The following CLASP1 variants were observed in gnomAD, a reference collection of about 807,000 sequenced individuals.
CLASP1 encodes the protein CLIP-associating protein 1.
CLASP1 carries 38 observed loss-of-function variants against 192.3 expected under a neutral mutation model. That is an observed-to-expected ratio of 0.20 (90% CI 0.15 to 0.26). The LOEUF (loss-of-function observed/expected upper bound fraction) is 0.26, where lower values mean the gene tolerates loss of function less well. Ranked by LOEUF, CLASP1 falls within the 10% of genes least tolerant of loss-of-function variation. The probability of loss-of-function intolerance (pLI) is 1.00; values close to 1 mark genes in which losing one functional copy is unlikely to be tolerated. For synonymous variants in CLASP1, 691 were observed against 712.8 expected, an observed-to-expected ratio of 0.97 and a Z score of 0.49; for missense variants, 1,433 against 1,932.5, an observed-to-expected ratio of 0.74 and a Z score of 4.85.
At chr2:121,555,988 C>CTTT (rs34423741) in intron 2 of CLASP1, among the ~76,000 whole-genome samples, 637 of 42,406 alleles carry the variant, frequency 0.015, 153 homozygotes, top group African/African-American at 0.054. Context: ...CTACCCACCG[C>CTTT]TTTTTTTTTT....
At chr2:121,537,530 G>A (rs1361992609) in intron 2 of CLASP1, among the ~76,000 whole-genome samples, 1 of 152,050 alleles carries the variant, frequency 6.6e-6, no homozygotes, top group Non-Finnish European at 1.5e-5. Context: ...TAAGGAAAAA[G>A]AAACCCAAAC....
At chr2:121,376,072 C>T (rs1261290012) in intron 34 of CLASP1, among the ~76,000 whole-genome samples, 3 of 151,890 alleles carry the variant, frequency 2.0e-5, no homozygotes, top group Non-Finnish European at 4.4e-5. Context: ...TTTTATATAC[C>T]ATTGGTGAGA....
At chr2:121,431,168 T>C (rs1194382390) in intron 19 of CLASP1, among the ~76,000 whole-genome samples, 1 of 151,928 alleles carries the variant, frequency 6.6e-6, no homozygotes, top group Admixed American at 6.6e-5. Flanking sequence ...TCCTAAAGCT[T>C]GAAAAAGTTT....
At chr2:121,534,648 G>A (rs561005997) in intron 2 of CLASP1, among the ~76,000 whole-genome samples, 8 of 147,960 alleles carry the variant, frequency 5.4e-5, no homozygotes, top group Admixed American at 3.3e-4. Context: ...AGAGATTCTC[G>A]TGCTTCAGCC....
At chr2:121,402,311 G>A (rs1281976850) in intron 26 of CLASP1, among the ~76,000 whole-genome samples, 1 of 152,196 alleles carries the variant, frequency 6.6e-6, no homozygotes, top group Admixed American at 6.5e-5. Context: ...TCATCATGCT[G>A]TTGTGTAATG....
chr2:121,480,593 AGGTAT>A (rs1213541379), intron 8 of CLASP1, among the ~76,000 whole-genome samples: 8 of 152,146 alleles, frequency 5.3e-5, no homozygotes, highest in Non-Finnish European at 1.0e-4. Context: ...ACCTCATTTG[AGGTAT>A]AAAAAGAAAA....
intron 37 of CLASP1, among the ~76,000 whole-genome samples, chr2:121,355,992 T>C (rs1319365216): frequency 6.6e-6 from 1 of 152,240 alleles, no homozygotes; most frequent in Non-Finnish European, 1.5e-5. Flanking sequence ...ATCTAGCTTT[T>C]TAAAATTGGA....
At chr2:121,478,580 G>T (rs989506650) in intron 8 of CLASP1, among the ~76,000 whole-genome samples, 1 of 143,824 alleles carries the variant, frequency 7.0e-6, no homozygotes, top group African/African-American at 2.6e-5. Flanking sequence ...CAGCCTAGGC[G>T]ATGGAGCCAG....
At chr2:121,388,306 A>G (rs933212500) in intron 30 of CLASP1, among the ~76,000 whole-genome samples, 15 of 152,218 alleles carry the variant, frequency 9.9e-5, no homozygotes, top group Non-Finnish European at 1.5e-4. Flanking sequence ...TGGAAAGCAC[A>G]TATTTTTAAA....
chr2:121,481,982 T>A (rs913222498), intron 8 of CLASP1, among the ~76,000 whole-genome samples: 4 of 152,196 alleles, frequency 2.6e-5, no homozygotes, highest in Non-Finnish European at 1.5e-5. Flanking sequence ...ATATGACCTA[T>A]GAATCCAAAA....
At chr2:121,625,427 A>ATTTTT (rs397868546) in intron 1 of CLASP1, among the ~76,000 whole-genome samples, 59 of 95,762 alleles carry the variant, frequency 6.2e-4, no homozygotes, top group Non-Finnish European at 9.5e-4. Context: ...TCTTTCTTTC[A>ATTTTT]TTTTTTTTTT....
At chr2:121,633,001 T>C (rs1204125824) in intron 1 of CLASP1, among the ~76,000 whole-genome samples, 3 of 140,744 alleles carry the variant, frequency 2.1e-5, no homozygotes, top group African/African-American at 8.8e-5. Flanking sequence ...TATATGTATG[T>C]GTGTGCATAT....
chr2:121,631,906 G>A (rs1397701556), intron 1 of CLASP1, among the ~76,000 whole-genome samples: 5 of 152,000 alleles, frequency 3.3e-5, no homozygotes, highest in African/African-American at 9.7e-5. Flanking sequence ...AATTAGCTGG[G>A]CGTGGTGGCG....
At chr2:121,478,871 CCACACCACACA>C (rs1559368662) in intron 8 of CLASP1, among the ~76,000 whole-genome samples, 38 of 15,358 alleles carry the variant, frequency 2.5e-3, no homozygotes, top group Admixed American at 8.0e-3. Flanking sequence ...CACACACACA[CCACACCACACA>C]CACACCACAC....
chr2:121,420,749 T>C (rs1387061461), intron 22 of CLASP1, among the ~76,000 whole-genome samples: 1 of 152,236 alleles, frequency 6.6e-6, no homozygotes, highest in Non-Finnish European at 1.5e-5. Flanking sequence ...AGTTGAGCAT[T>C]TTCTTAATAG....
chr2:121,448,208 C>T (rs370327952), intron 18 of CLASP1, 68 bp downstream of exon 18: 21 of 1,400,594 alleles, frequency 1.5e-5, no homozygotes, highest in Non-Finnish European at 2.0e-5. Flanking sequence ...GCCTGGGCAG[C>T]CTCTTGCAGC....
At chr2:121,522,852 C>G (rs1449638681) in intron 6 of CLASP1, among the ~76,000 whole-genome samples, 4 of 152,200 alleles carry the variant, frequency 2.6e-5, no homozygotes, top group Non-Finnish European at 4.4e-5. Flanking sequence ...ATTTAAAGCA[C>G]TATACAGCTG....
At position 121,364,466 on chromosome 2, in the gene CLASP1, C is replaced by T. The variant is rs146091664; in HGVS notation, c.4077+628G>A. 6.9e-3 allele frequency: 1,069 copies of T among 154,288 alleles called. 36 individuals are homozygous for T. The highest frequency in any genetic ancestry group is 0.063 in the Admixed American group (985 of 15,650). 9.6% of individuals were successfully genotyped at this position (154,288 alleles called of 1,614,324 possible). On this transcript the variant is annotated intron_variant, in intron 36 of 39. Coordinates refer to ENST00000263710, the Ensembl canonical transcript of CLASP1. ...CAGGACTTTGACCAGATTACTCCCCCCTTTAAGAGTTCTCTATGTGCGATG... is the reference window on the plus strand; with the variant it reads ...CAGGACTTTGACCAGATTACTCCCCTCTTTAAGAGTTCTCTATGTGCGATG...
chr2:121,349,552 C>G (rs920147923), intron 37 of CLASP1, among the ~76,000 whole-genome samples: 2 of 152,210 alleles, frequency 1.3e-5, no homozygotes, highest in African/African-American at 4.8e-5. Context: ...TGGAGGAAAT[C>G]AGAGTGACTT....
Sources: gnomAD v4.1 joint callset for allele counts (sites outside exome capture counted in the v4.1 genomes callset) on GRCh38, gnomAD v4.1.1 for gene constraint, MANE v1.5 for transcripts, NCBI Gene and HGNC (gene_info 2026-07-23, HGNC 2026-07-21) for gene names.